The following DNAH11 variants were observed in gnomAD, a reference collection of about 807,000 sequenced individuals.
The protein encoded by DNAH11 is dynein axonemal heavy chain 11, also known as axonemal beta dynein heavy chain 11.
In DNAH11, 442 loss-of-function variants were observed where a neutral mutation model predicts 526.0. That is an observed-to-expected ratio of 0.84 (90% CI 0.78 to 0.91). DNAH11 has a LOEUF of 0.91. DNAH11 is among the 40% of genes least tolerant of loss of function. DNAH11 has a pLI of 0.00. For missense variants in DNAH11, 6,989 were observed against 5,448.7 expected, an observed-to-expected ratio of 1.28 and a Z score of -8.90; for synonymous variants, 2,461 against 1,935.9, an observed-to-expected ratio of 1.27 and a Z score of -7.12.
intron 7 of DNAH11, chr7:21,570,542 T>C: frequency 3.0e-6 from 1 of 338,026 alleles, no homozygotes; most frequent in Admixed American, 4.5e-5. Context: ...TAAGTAAATC[T>C]CTTTATGTAT....
intron 12 of DNAH11, among the ~76,000 whole-genome samples, chr7:21,590,213 T>A (rs999330383): frequency 1.8e-4 from 27 of 152,296 alleles, no homozygotes; most frequent in Non-Finnish European, 7.4e-5. Flanking sequence ...TAATCAATGC[T>A]AGATGTGCAT....
chr7:21,698,765 T>G (rs1783950149), intron 36 of DNAH11, among the ~76,000 whole-genome samples: 1 of 152,222 alleles, frequency 6.6e-6, no homozygotes, highest in Non-Finnish European at 1.5e-5. Context: ...CAAATTGTGC[T>G]TCTATAAATA....
At chr7:21,711,937 G>A (rs1418328177) in intron 42 of DNAH11, 77 bp downstream of exon 42, 119 of 1,509,632 alleles carry the variant, frequency 7.9e-5, no homozygotes, top group South Asian at 4.7e-4. Context: ...TTTTGCTTAA[G>A]CACATTCATG....
intron 66 of DNAH11, among the ~76,000 whole-genome samples, chr7:21,848,786 T>C (rs1782516021): frequency 6.6e-6 from 1 of 152,232 alleles, no homozygotes; most frequent in African/African-American, 2.4e-5. Context: ...AATAGATTGC[T>C]ATATGTAAGT....
At chr7:21,625,944 T>C (rs138583696) in intron 25 of DNAH11, among the ~76,000 whole-genome samples, 21 of 152,286 alleles carry the variant, frequency 1.4e-4, no homozygotes, top group African/African-American at 4.8e-4. Flanking sequence ...TTTATATTGA[T>C]GCGTAAGAGA....
rs758051497 is a variant in DNAH11 at position 21,639,033 on chromosome 7, G to C, written c.4912G>C (p.Asp1638His). 1.2e-6 allele frequency: 2 copies of C among 1,613,366 alleles called. No individual in the cohort carries two copies. Among genetic ancestry groups the C allele is most frequent in the South Asian group, 2.2e-5 (2 of 90,946 alleles). ...FYFVSSADLL[D>H]ILSKGAQPKQ... ...TTTCGTCTCTTCTGCTGATTTACTT[G>C]ACATTCTCTCAAAAGGAGCTCAGCC... Residue 1638 changes from aspartate to histidine, a missense_variant, in exon 28 of 82, where the codon GAC becomes CAC. Coordinates refer to ENST00000409508, the MANE Select transcript of DNAH11 (RefSeq NM_001277115.2).
rs1416901260 is a variant in DNAH11, at chr7:21,894,741, AGAG to A, written c.12872_12874del (p.Arg4291del). The A allele has an allele frequency of 1.2e-6, 2 of 1,612,990 alleles. No individual in the cohort carries two copies. The highest frequency in any genetic ancestry group is 2.2e-5 in the South Asian group (2 of 90,738). ...GTTCTTGTTTGCTTCCAAGAATGTG[AGAG>A]GATGAATATTCTCATTCGGGAAATA... On this transcript the variant is annotated inframe_deletion, in exon 78 of 82. Transcript: ENST00000409508.
chr7:21,702,473 C>T (rs1265013332), intron 36 of DNAH11, among the ~76,000 whole-genome samples: 1 of 149,682 alleles, frequency 6.7e-6, no homozygotes, highest in Non-Finnish European at 1.5e-5. Flanking sequence ...TGCAGTTAAG[C>T]GCTATGGAAA....
At chr7:21,568,302 C>T (rs1413383820) in intron 6 of DNAH11, among the ~76,000 whole-genome samples, 10 of 152,070 alleles carry the variant, frequency 6.6e-5, no homozygotes, top group South Asian at 4.1e-4. Context: ...GATGATAGAG[C>T]TGGTGTGGTT....
rs377630570 is a variant in DNAH11, at chr7:21,748,647, G to A, written c.8578G>A (p.Gly2860Ser). The A allele has an allele frequency of 2.5e-6, 4 of 1,613,402 alleles. No individual in the cohort carries two copies. The African/African-American group carries it at 4.0e-5, about 16-fold the overall frequency. The change falls in exon 52 of 82, where the codon GGC (glycine) becomes AGC (serine). Residue 2860 changes from glycine to serine, a missense_variant. By Grantham distance (56) the Gly-to-Ser change is moderately conservative. Transcript: ENST00000409508. ...CALLVGVGGS[G>S]KQSLSRLAAY... ...TCTCTTGGTTGGAGTTGGGGGCAGT[G>A]GCAAGCAGAGCTTGTCCAGGCTGGC...
intron 5 of DNAH11, among the ~76,000 whole-genome samples, chr7:21,563,328 C>A (rs1313394734): frequency 6.6e-6 from 1 of 152,002 alleles, no homozygotes; most frequent in South Asian, 2.1e-4. Context: ...TCCACCTCAG[C>A]CTCCTGAGGA....
intron 44 of DNAH11, among the ~76,000 whole-genome samples, chr7:21,722,131 G>A (rs1342969573): frequency 1.3e-5 from 2 of 152,176 alleles, no homozygotes; most frequent in African/African-American, 4.8e-5. Flanking sequence ...TTGCCACCAT[G>A]CACCTCTATG....
intron 37 of DNAH11, among the ~76,000 whole-genome samples, chr7:21,703,123 T>C (rs1668653488): frequency 6.6e-6 from 1 of 152,188 alleles, no homozygotes; most frequent in Admixed American, 6.5e-5. Context: ...GAAATCTGAT[T>C]GAATTGGGAT....
chr7:21,765,384 A>T (rs1451029981), intron 54 of DNAH11, 44 bp from the exon 55 acceptor site: 1 of 1,612,074 alleles, frequency 6.2e-7, no homozygotes, highest in East Asian at 2.2e-5. Flanking sequence ...TTCTCTGCTC[A>T]TTCATCACCC....
chr7:21,862,134 T>C, intron 69 of DNAH11, 111 bp downstream of exon 69: 1 of 1,183,364 alleles, frequency 8.5e-7, no homozygotes, highest in East Asian at 2.7e-5. Context: ...TTTTTTTTTT[T>C]TTGGAAGCCC....
chr7:21,628,523 T>A (rs1198032863), intron 25 of DNAH11, among the ~76,000 whole-genome samples: 1 of 152,170 alleles, frequency 6.6e-6, no homozygotes, highest in Non-Finnish European at 1.5e-5. Context: ...TTATCAAATG[T>A]CTTTTTGAAA....
chr7:21,706,879 G>A (rs936302186), intron 39 of DNAH11, among the ~76,000 whole-genome samples: 2 of 152,174 alleles, frequency 1.3e-5, no homozygotes, highest in South Asian at 2.1e-4. Context: ...GAGAGTTAGG[G>A]CAGATATTTG....
At chr7:21,763,408 A>G (rs559701728) in intron 54 of DNAH11, among the ~76,000 whole-genome samples, 3 of 151,824 alleles carry the variant, frequency 2.0e-5, no homozygotes, top group Non-Finnish European at 4.4e-5. Context: ...AAGATACACA[A>G]CATCACTAAT....
At chr7:21,779,228 AC>A in intron 57 of DNAH11, 124 bp downstream of exon 57, 1 of 1,190,678 alleles carries the variant, frequency 8.4e-7, no homozygotes, top group East Asian at 2.6e-5. Flanking sequence ...TATTATAGTT[AC>A]ACATGTAACA....
Sources: gnomAD v4.1 joint callset for allele counts (sites outside exome capture counted in the v4.1 genomes callset) on GRCh38, gnomAD v4.1.1 for gene constraint, MANE v1.5 for transcripts, NCBI Gene and HGNC (gene_info 2026-07-23, HGNC 2026-07-21) for gene names.